Variants in MSRA observed in about 807,000 individuals in gnomAD.
The protein encoded by MSRA is methionine sulfoxide reductase A.
In MSRA, 54 loss-of-function variants were observed where a neutral mutation model predicts 31.3. The ratio of observed to expected loss-of-function variants is 1.73; its 90% CI spans 1.39 to 2.17. The LOEUF (loss-of-function observed/expected upper bound fraction) is 2.17, where lower values mean the gene tolerates loss of function less well. Ranked by LOEUF, MSRA falls within the 30% of genes most tolerant of loss-of-function variation. The pLI, the probability that MSRA is intolerant of heterozygous loss-of-function variation, is 0.00. For missense variants in MSRA, 507 were observed against 300.9 expected (o/e 1.69, Z -5.07); for synonymous variants, 169 against 116.5 (o/e 1.45, Z -2.90).
chr8:10,406,848 G>T (rs997197971), intron 5 of MSRA, among the ~76,000 whole-genome samples: 3 of 152,204 alleles, frequency 2.0e-5, no homozygotes, highest in Non-Finnish European at 4.4e-5. Context: ...GTCTTGCCTT[G>T]TCAGACGTGA....
At chr8:10,258,298 A>G (rs1233103800) in intron 3 of MSRA, among the ~76,000 whole-genome samples, 2 of 152,186 alleles carry the variant, frequency 1.3e-5, no homozygotes, top group African/African-American at 2.4e-5. Flanking sequence ...CAATGAAAAG[A>G]ACTCCATTGT....
chr8:10,265,900 G>T (rs1193401554), intron 3 of MSRA, among the ~76,000 whole-genome samples: 1 of 152,140 alleles, frequency 6.6e-6, no homozygotes, highest in Non-Finnish European at 1.5e-5. Context: ...GATTCCACCT[G>T]TTTTGAGATG....
chr8:10,376,424 G>T (rs918893555), intron 5 of MSRA, among the ~76,000 whole-genome samples: 3 of 152,182 alleles, frequency 2.0e-5, no homozygotes, highest in African/African-American at 7.2e-5. Flanking sequence ...GCATCTTAAG[G>T]TCATGGGCTC....
chr8:10,181,187 A>G (rs1005531522), intron 1 of MSRA, among the ~76,000 whole-genome samples: 5 of 152,192 alleles, frequency 3.3e-5, no homozygotes, highest in African/African-American at 1.2e-4. Context: ...AGATAGTGCT[A>G]CATGTTTCAA....
chr8:10,212,484 G>C (rs920366449), intron 2 of MSRA, among the ~76,000 whole-genome samples: 2 of 152,160 alleles, frequency 1.3e-5, no homozygotes, highest in Non-Finnish European at 2.9e-5. Context: ...ACATAGATTG[G>C]ATTGTATATA....
In MSRA at chr8:10,283,129, T is replaced by TACACAC. The variant is rs66507479; in HGVS notation, c.332-18378_332-18373dup. Among the ~76,000 whole-genome samples, 1,294 of 138,542 alleles carry TACACAC rather than the reference T, an allele frequency of 9.3e-3. 20 individuals are homozygous for TACACAC. The highest frequency in any genetic ancestry group is 0.027 in the African/African-American group (995 of 36,566). 90.9% of individuals were successfully genotyped at this position (138,542 alleles called of 152,430 possible). ...CACATCATATTGCATATATTCACAT[T>TACACAC]ACACACACACACACACACACACACA... On this transcript the variant is annotated intron_variant, in intron 3 of 5. Coordinates refer to ENST00000317173, the MANE Select transcript of MSRA (RefSeq NM_012331.5).
intron 5 of MSRA, among the ~76,000 whole-genome samples, chr8:10,373,635 C>T (rs868276728): frequency 2.0e-5 from 3 of 152,228 alleles, no homozygotes; most frequent in Admixed American, 6.5e-5. Context: ...TCAGGGTTGG[C>T]TTGCATGGGG....
intron 1 of MSRA, among the ~76,000 whole-genome samples, chr8:10,076,618 G>T (rs951963197): frequency 2.0e-5 from 3 of 152,060 alleles, no homozygotes; most frequent in Non-Finnish European, 4.4e-5. Context: ...CTAGTTTATC[G>T]CAAGGGAATT....
At chr8:10,273,850 T>C (rs1033299119) in intron 3 of MSRA, among the ~76,000 whole-genome samples, 1 of 152,166 alleles carries the variant, frequency 6.6e-6, no homozygotes, top group African/African-American at 2.4e-5. Flanking sequence ...GCTTACATTA[T>C]GATCCTCGAG....
intron 1 of MSRA, among the ~76,000 whole-genome samples, chr8:10,162,880 TCGTGTGTAAAG>T (rs1341381126): frequency 6.6e-6 from 1 of 152,132 alleles, no homozygotes; most frequent in Non-Finnish European, 1.5e-5. Context: ...GCCACGACAG[TCGTGTGTAAAG>T]GTGGGTTCAC....
intron 2 of MSRA, among the ~76,000 whole-genome samples, chr8:10,230,916 C>T (rs777352397): frequency 6.6e-6 from 1 of 152,158 alleles, no homozygotes; most frequent in Non-Finnish European, 1.5e-5. Context: ...TCCCAAGTAG[C>T]TGGGATTACC....
intron 2 of MSRA, among the ~76,000 whole-genome samples, chr8:10,225,338 C>T (rs554216165): frequency 2.6e-5 from 4 of 152,238 alleles, no homozygotes; most frequent in South Asian, 2.1e-4. Context: ...TAAGGTTTAT[C>T]GCCTTGCATT....
chr8:10,174,015 C>T (rs986779971), intron 1 of MSRA, among the ~76,000 whole-genome samples: 3 of 152,024 alleles, frequency 2.0e-5, no homozygotes, highest in Admixed American at 6.6e-5. Flanking sequence ...TGTGAGGACT[C>T]GTGTCTACAT....
intron 5 of MSRA, among the ~76,000 whole-genome samples, chr8:10,398,199 C>G (rs1807222142): frequency 6.6e-6 from 1 of 152,222 alleles, no homozygotes; most frequent in Admixed American, 6.5e-5. Flanking sequence ...TCTTTTCGCT[C>G]AGTCCAGGGA....
intron 5 of MSRA, among the ~76,000 whole-genome samples, chr8:10,401,016 C>A (rs767346239): frequency 6.6e-6 from 1 of 151,726 alleles, no homozygotes; most frequent in Non-Finnish European, 1.5e-5. Context: ...GGATATGACA[C>A]CAAAAGCACA....
At chr8:10,074,058 C>CTTTTTTTTTTTTTTTTTTTTTTTTT (rs534642712) in intron 1 of MSRA, among the ~76,000 whole-genome samples, 2 of 29,456 alleles carry the variant, frequency 6.8e-5, no homozygotes, top group Admixed American at 6.2e-4. Context: ...AAGGGAGGTG[C>CTTTTTTTTTTTTTTTTTTTTTTTTT]TTTTTTTTTT....
intron 1 of MSRA, among the ~76,000 whole-genome samples, chr8:10,147,229 A>G (rs1803226403): frequency 6.6e-6 from 1 of 152,220 alleles, no homozygotes; most frequent in South Asian, 2.1e-4. Flanking sequence ...AGGATGTGAC[A>G]TGCTCAGTGT....
Position 10,193,507 on chromosome 8 carries a change from C to T in MSRA, c.143-14326C>T, listed in dbSNP as rs967598603. Among the ~76,000 whole-genome samples the T allele has an allele frequency of 4.6e-5, 7 of 152,146 alleles. No homozygotes were observed. In the East Asian group the frequency reaches 5.8e-4, roughly 13 times the overall value. ...TTTTTATTGAGCATGTATTCAGGGA[C>T]GATAACCAAGCAGACGGTGCTGCTA... On this transcript the variant is annotated intron_variant, in intron 1 of 5. Transcript: ENST00000317173.
intron 5 of MSRA, among the ~76,000 whole-genome samples, chr8:10,374,795 T>A (rs773973009): frequency 5.3e-5 from 8 of 152,186 alleles, no homozygotes; most frequent in Non-Finnish European, 4.4e-5. Context: ...AAATGTGACC[T>A]CCGATGTTGG....
Sources: allele counts gnomAD v4.1 joint callset (sites outside exome capture counted in the v4.1 genomes callset), GRCh38; gene constraint gnomAD v4.1.1; transcripts MANE v1.5; gene names NCBI Gene and HGNC (gene_info 2026-07-23, HGNC 2026-07-21).